Variants in CCDC141 observed in about 807,000 individuals in gnomAD.
CCDC141 encodes the protein coiled-coil domain-containing protein 141.
A neutral mutation model predicts 181.0 loss-of-function variants in CCDC141; 168 were observed. The observed-to-expected ratio is 0.93, with a 90% CI of 0.82 to 1.05. The LOEUF (loss-of-function observed/expected upper bound fraction) is 1.05, where lower values mean the gene tolerates loss of function less well. Ranked by LOEUF, CCDC141 falls within the 50% of genes least tolerant of loss-of-function variation. The pLI is 0.00. For synonymous variants in CCDC141, 666 were observed against 642.3 expected (o/e 1.04, Z -0.56); for missense variants, 1,902 against 1,788.5 (o/e 1.06, Z -1.14).
chr2:178,863,767 T>C (rs565372861), intron 17 of CCDC141, among the ~76,000 whole-genome samples: 6 of 152,320 alleles, frequency 3.9e-5, no homozygotes, highest in African/African-American at 1.4e-4. Context: ...GTAAGTTACA[T>C]GAAAGATTAA....
At chr2:178,942,002 G>A (rs981593472) in intron 6 of CCDC141, among the ~76,000 whole-genome samples, 12 of 99,350 alleles carry the variant, frequency 1.2e-4, no homozygotes, top group South Asian at 4.0e-4. Context: ...AAAAAAAAAA[G>A]GGAAAAGAAA....
intron 17 of CCDC141, among the ~76,000 whole-genome samples, chr2:178,864,905 C>T (rs887018013): frequency 1.3e-5 from 2 of 152,168 alleles, no homozygotes; most frequent in Non-Finnish European, 2.9e-5. Flanking sequence ...GGCTCAGAAA[C>T]ATTTTGCTCT....
chr2:178,976,056 TGA>T (rs1691109019), intron 3 of CCDC141, among the ~76,000 whole-genome samples: 1 of 152,022 alleles, frequency 6.6e-6, no homozygotes, highest in South Asian at 2.1e-4. Context: ...AGTGGGAGAT[TGA>T]GAGAGATGAT....
chr2:178,994,894 A>C (rs1045558979), intron 2 of CCDC141, among the ~76,000 whole-genome samples: 2 of 152,190 alleles, frequency 1.3e-5, no homozygotes, highest in Non-Finnish European at 2.9e-5. Flanking sequence ...AACAAAAGTC[A>C]TCTTTGCTCC....
intron 11 of CCDC141, among the ~76,000 whole-genome samples, chr2:178,878,809 T>C (rs1686467595): frequency 6.6e-6 from 1 of 152,268 alleles, no homozygotes; most frequent in East Asian, 1.9e-4. Flanking sequence ...TTTGGGACAA[T>C]TTATGTCAAA....
At chr2:178,870,945 G>A (rs1217456009) in intron 14 of CCDC141, among the ~76,000 whole-genome samples, 2 of 152,124 alleles carry the variant, frequency 1.3e-5, no homozygotes, top group Non-Finnish European at 2.9e-5. Context: ...GAAAGGTGGA[G>A]TGGAGGGCAC....
chr2:178,976,487 T>C (rs1691129863), intron 3 of CCDC141, among the ~76,000 whole-genome samples: 1 of 152,126 alleles, frequency 6.6e-6, no homozygotes, highest in Non-Finnish European at 1.5e-5. Flanking sequence ...ATGGGACATG[T>C]TTTGGAAATG....
In CCDC141 at chr2:178,850,172, G is replaced by A. The variant is rs1261290513; in HGVS notation, c.3245-11C>T. ...GTCCTTCTTCCAAACCTGGGGAGGA[G>A]AAGGATGAAACTAGTTTTAAAGGTC... is the stretch of plus-strand genomic sequence containing the variant. On this transcript the variant is annotated splice_polypyrimidine_tract_variant and intron_variant, in intron 20 of 23. Coordinates refer to ENST00000443758, the MANE Select transcript of CCDC141 (RefSeq NM_173648.4). 2.0e-6 allele frequency: 3 copies of A among 1,469,396 alleles called. No individual in the cohort carries two copies. Among genetic ancestry groups the A allele is most frequent in the Non-Finnish European group, 9.5e-7 (1 of 1,052,572 alleles). 91.0% of individuals were successfully genotyped at this position (1,469,396 alleles called of 1,614,324 possible).
At chr2:178,888,332 G>A (rs1454167774) in intron 9 of CCDC141, among the ~76,000 whole-genome samples, 195 bp downstream of exon 9, 3 of 152,150 alleles carry the variant, frequency 2.0e-5, no homozygotes, top group South Asian at 2.1e-4. Flanking sequence ...GGCGCAGACA[G>A]GCCACCTGGG....
At chr2:178,863,915 C>T (rs551196328) in intron 17 of CCDC141, among the ~76,000 whole-genome samples, 2 of 152,292 alleles carry the variant, frequency 1.3e-5, no homozygotes, top group Admixed American at 6.5e-5. Flanking sequence ...AATCCTGGGG[C>T]GTACCTACTA....
intron 8 of CCDC141, among the ~76,000 whole-genome samples, chr2:178,892,681 G>T (rs1292355992): frequency 6.6e-6 from 1 of 152,104 alleles, no homozygotes; most frequent in Non-Finnish European, 1.5e-5. Flanking sequence ...ACGGCAGGTG[G>T]TCTGATCAAA....
At chr2:178,962,918 G>A (rs925152347) in intron 4 of CCDC141, among the ~76,000 whole-genome samples, 5 of 151,908 alleles carry the variant, frequency 3.3e-5, no homozygotes, top group South Asian at 2.1e-4. Flanking sequence ...ACCCTCCTTC[G>A]TTATCTTTAC....
intron 17 of CCDC141, among the ~76,000 whole-genome samples, chr2:178,864,464 C>A (rs376845731): frequency 5.9e-5 from 9 of 152,160 alleles, no homozygotes; most frequent in Non-Finnish European, 5.9e-5. Flanking sequence ...ACCGGTTCAA[C>A]CCCGAAGAGT....
chr2:179,033,699 A>T (rs1175973823), intron 2 of CCDC141, among the ~76,000 whole-genome samples: 1 of 152,154 alleles, frequency 6.6e-6, no homozygotes, highest in African/African-American at 2.4e-5. Context: ...ACTAATAAGA[A>T]CTATGGGTTC....
intron 5 of CCDC141, among the ~76,000 whole-genome samples, chr2:178,957,653 A>C (rs1690218557): frequency 6.6e-6 from 1 of 152,230 alleles, no homozygotes; most frequent in African/African-American, 2.4e-5. Flanking sequence ...AATTGCCAAA[A>C]TTTGGAAGCA....
rs368976879 is a variant in CCDC141, at chr2:178,869,098, C to A, written c.2394+19G>T. On this transcript the variant is annotated intron_variant, in intron 15 of 23. Coordinates refer to ENST00000443758, the MANE Select transcript of CCDC141 (RefSeq NM_173648.4). ...AGTTTAAAACTCAGGATTTTTCAGA[C>A]ATCCCTTCTAAGCCTTACCTCTTCC... 8.2e-6 allele frequency: 12 copies of A among 1,468,698 alleles called. No individual in the cohort carries two copies. The African/African-American group carries it at 1.3e-4, about 16-fold the overall frequency. 91.0% of individuals were successfully genotyped at this position (1,468,698 alleles called of 1,614,324 possible). A position where few individuals can be genotyped will look rare whatever the true frequency, so the allele number is the denominator to read the frequency against.
At chr2:178,983,100 G>A (rs1202140118) in intron 2 of CCDC141, among the ~76,000 whole-genome samples, 3 of 152,188 alleles carry the variant, frequency 2.0e-5, no homozygotes, top group Non-Finnish European at 2.9e-5. Context: ...GGTTCTCCCA[G>A]TACGCAGCTG....
rs1164667510 is a variant in CCDC141 at position 178,872,296 on chromosome 2, A to G, written c.1916T>C (p.Ile639Thr). The G allele has an allele frequency of 6.2e-7, 1 of 1,611,826 alleles. No individual in the cohort carries two copies. Among genetic ancestry groups the G allele is most frequent in the Admixed American group, 1.7e-5 (1 of 59,636 alleles). Residue 639 changes from isoleucine (I) to threonine (T), a missense_variant, in exon 13 of 24, where the codon ATA (isoleucine) becomes ACA (threonine). Coordinates refer to ENST00000443758, the MANE Select transcript of CCDC141 (RefSeq NM_173648.4). Reference sequence around the variant, plus strand: ...GTACACTTCATTTTTCACATCTAATATCTCGTTCTCTTTTGCCTGTTAAAT... The same window carrying G: ...GTACACTTCATTTTTCACATCTAATGTCTCGTTCTCTTTTGCCTGTTAAAT... ...NLINMAKENE[I>T]LDVKNEVYLM...
chr2:178,851,697 C>T (rs530107645), intron 20 of CCDC141, among the ~76,000 whole-genome samples: 5 of 152,284 alleles, frequency 3.3e-5, no homozygotes, highest in East Asian at 1.9e-4. Flanking sequence ...TATTTTGTTA[C>T]GGCAGCCCTA....
Sources: gnomAD v4.1 joint callset for allele counts (sites outside exome capture counted in the v4.1 genomes callset) on GRCh38, gnomAD v4.1.1 for gene constraint, MANE v1.5 for transcripts, NCBI Gene and HGNC (gene_info 2026-07-23, HGNC 2026-07-21) for gene names.